CTSZ: variants seen among roughly 807,000 people sequenced by gnomAD.
The protein encoded by CTSZ is carboxypeptidase LB.
In CTSZ, 39 loss-of-function variants were observed where a neutral mutation model predicts 32.4. The ratio of observed to expected loss-of-function variants is 1.20; its 90% confidence interval spans 0.93 to 1.57. The LOEUF (loss-of-function observed/expected upper bound fraction) is 1.57. Among genes scored for constraint, CTSZ ranks in the 40% most tolerant of loss-of-function variants. The probability of loss-of-function intolerance (pLI) is 0.00; values close to 1 mark genes in which losing one functional copy is unlikely to be tolerated. For synonymous variants in CTSZ, 168 were observed against 170.1 expected (o/e 0.99, Z 0.10); for missense variants, 397 against 419.6 (o/e 0.95, Z 0.47).
chr20:58,998,552 A>AAAAAAGAAAG (rs368429073), intron 3 of CTSZ, among the ~76,000 whole-genome samples: 4 of 145,354 alleles, frequency 2.8e-5, no homozygotes, highest in Admixed American at 2.0e-4. Flanking sequence ...GTCTCAAAAA[A>AAAAAAGAAAG]AAAGAAAGAA....
chr20:58,996,108 T>TC (rs1466513077), intron 5 of CTSZ, among the ~76,000 whole-genome samples: 2 of 152,122 alleles, frequency 1.3e-5, no homozygotes, highest in Admixed American at 6.5e-5. Flanking sequence ...TGAACCGCTT[T>TC]CCCCCCATTT....
intron 5 of CTSZ, among the ~76,000 whole-genome samples, chr20:58,996,399 G>A (rs1362290196): frequency 1.3e-5 from 2 of 152,214 alleles, no homozygotes; most frequent in African/African-American, 2.4e-5. Context: ...GAGTCACCTA[G>A]TGGGTGGAGG....
Position 59,007,140 on chromosome 20 carries a change from G to C in CTSZ, c.-12C>G. 1.5e-6 allele frequency: 2 copies of C among 1,347,858 alleles called. No individual in the cohort carries two copies. Among genetic ancestry groups the C allele is most frequent in the Non-Finnish European group, 1.9e-6 (2 of 1,057,868 alleles). The allele number at this position is 1,347,858 out of a possible 1,614,324, so 83.5% of individuals were successfully genotyped here. On this transcript the variant is annotated 5_prime_UTR_variant, in exon 1 of 6. Transcript: ENST00000217131. ...CCGCGCCTCGCCATGGCCCCGCGCC[G>C]GCTCCTGGGTCCCGCTCCGGATCCC...
chr20:59,006,219 C>G, intron 2 of CTSZ, 103 bp downstream of exon 2: 1 of 1,426,056 alleles, frequency 7.0e-7, no homozygotes, highest in Non-Finnish European at 9.3e-7. Context: ...CTGACCTGGC[C>G]TTGAATCACA....
At chr20:58,997,533 G>T (rs1215556019) in intron 4 of CTSZ, 70 bp downstream of exon 4, 1 of 1,434,962 alleles carries the variant, frequency 7.0e-7, no homozygotes, top group Non-Finnish European at 9.2e-7. Flanking sequence ...CTCACCCGCG[G>T]GACCTTTCCT....
At chr20:58,997,426 C>G in intron 4 of CTSZ, 177 bp downstream of exon 4, 1 of 510,410 alleles carries the variant, frequency 2.0e-6, no homozygotes, top group East Asian at 3.4e-5. Context: ...CTCGAGCCTA[C>G]TGAGTACAAC....
rs1417352589 is a variant in CTSZ, at chr20:59,004,014, T to C, written c.307+2308A>G. ...CCTGGAGGAGGCGGTGGGCGGTGCG[T>C]GATTTCTGCATCTGCTTCGAAGGTA... On this transcript the variant is annotated intron_variant, in intron 2 of 5. Transcript: ENST00000217131. The surrounding 1 kb of genome is among the most constrained non-coding windows in gnomAD (Gnocchi z 5.6). Among the ~76,000 whole-genome samples, 2 of 152,102 alleles carry C rather than the reference T, an allele frequency of 1.3e-5. No homozygotes were observed. The highest frequency in any genetic ancestry group is 2.9e-5 in the Non-Finnish European group (2 of 68,006).
At position 59,007,208 on chromosome 20, in the gene CTSZ, CGCCCCG is replaced by C. The variant is rs1415237440; in HGVS notation, c.-86_-81del. The C allele has an allele frequency of 2.0e-4, 245 of 1,198,052 alleles. No individual in the cohort carries two copies. Among genetic ancestry groups the C allele is most frequent in the East Asian group, 1.1e-3 (31 of 27,552 alleles). The allele number at this position is 1,198,052 out of a possible 1,614,324, so 74.2% of individuals were successfully genotyped here. A position where few individuals can be genotyped will look rare whatever the true frequency, so the allele number is the denominator to read the frequency against. On this transcript the variant is annotated 5_prime_UTR_variant, in exon 1 of 6. Coordinates refer to ENST00000217131, the MANE Select transcript of CTSZ (RefSeq NM_001336.4). ...CCGCGCCGGCTCCCGCTCTGGATCC[CGCCCCG>C]GCCTCGGCCTCGGCCCAGCACCCGG...
intron 2 of CTSZ, chr20:59,006,064 G>A (rs1375110698): frequency 7.7e-6 from 4 of 517,708 alleles, no homozygotes; most frequent in Admixed American, 3.4e-5. Context: ...AAGCTTTGGG[G>A]GAGAGAGGGC....
chr20:58,995,837 C>G, intron 5 of CTSZ, 78 bp from the exon 6 acceptor site: 1 of 1,300,652 alleles, frequency 7.7e-7, no homozygotes, highest in Non-Finnish European at 1.1e-6. Flanking sequence ...CCCCTGCCCC[C>G]TGCTTTCTGC....
rs981217077 is a variant in CTSZ at position 58,997,767 on chromosome 20, A to C, written c.488-14T>G. The C allele has an allele frequency of 6.3e-7, 1 of 1,584,152 alleles. No homozygotes were observed. The highest frequency in any genetic ancestry group is 1.4e-5 in the African/African-American group (1 of 73,914). On this transcript the variant is annotated splice_polypyrimidine_tract_variant and intron_variant, in intron 3 of 5. Coordinates refer to ENST00000217131, the MANE Select transcript of CTSZ (RefSeq NM_001336.4). The stretch of plus-strand genomic sequence containing the variant: ...ACTTGTCACACTCTGGGGGAGAGCA[A>C]GAAAAGTCAGCATGAGGCCGTCTCC...
chr20:58,996,486 A>G, intron 5 of CTSZ, 153 bp downstream of exon 5: 1 of 783,074 alleles, frequency 1.3e-6, no homozygotes, highest in Non-Finnish European at 2.1e-6. Flanking sequence ...TCTGGCCCCA[A>G]AAGCCACTCG....
At chr20:58,997,387 A>T (rs2091866133) in intron 4 of CTSZ, 3 of 408,456 alleles carry the variant, frequency 7.3e-6, no homozygotes, top group Non-Finnish European at 1.3e-5. Context: ...AGAAAACTGA[A>T]GTTCTTAGAG....
Position 59,007,250 on chromosome 20 carries a change from A to G in CTSZ, c.-122T>C. ...CGGCCCAGCACCCGGCCGACCCCGC[A>G]CTTTGGGCCCCTGCCCCGCCCGGCC... On this transcript the variant is annotated 5_prime_UTR_variant, in exon 1 of 6. Transcript: ENST00000217131. 8.4e-7 allele frequency: 1 copy of G among 1,184,252 alleles called. No individual in the cohort carries two copies. The allele number at this position is 1,184,252 out of a possible 1,614,324, so 73.4% of individuals were successfully genotyped here.
At chr20:59,003,440 T>C (rs534258688) in intron 2 of CTSZ, among the ~76,000 whole-genome samples, 6 of 152,334 alleles carry the variant, frequency 3.9e-5, no homozygotes, top group South Asian at 2.1e-4. Context: ...ACAAGTGTCC[T>C]GAATACGTTT....
In CTSZ at chr20:59,004,546, G is replaced by T. The variant is rs1348167037; in HGVS notation, c.307+1776C>A. Among the ~76,000 whole-genome samples, 2 of 152,068 alleles carry T rather than the reference G, an allele frequency of 1.3e-5. No homozygotes were observed. Among genetic ancestry groups the T allele is most frequent in the East Asian group, 3.9e-4 (2 of 5,192 alleles). On this transcript the variant is annotated intron_variant, in intron 2 of 5. Coordinates refer to ENST00000217131, the MANE Select transcript of CTSZ (RefSeq NM_001336.4). This position sits in a 1 kb window ranked among gnomAD's most constrained non-coding sequence, Gnocchi z 5.6. Reference sequence around the variant, plus strand: ...GGAGGGACTCCAGATACTTCCCTAGGGAGCCCAGAATTGGGGCGGGGTGGG... The same window carrying T: ...GGAGGGACTCCAGATACTTCCCTAGTGAGCCCAGAATTGGGGCGGGGTGGG...
chr20:59,002,194 A>G lies in CTSZ; in HGVS notation c.308-550T>C, dbSNP rs1423430403. 6.6e-6 allele frequency among the ~76,000 whole-genome samples: 1 copy of G among 152,226 alleles called. No individual in the cohort carries two copies. On this transcript the variant is annotated intron_variant, in intron 2 of 5. Transcript: ENST00000217131. This position sits in a 1 kb window ranked among gnomAD's most constrained non-coding sequence, Gnocchi z 4.1. The stretch of plus-strand genomic sequence containing the variant: ...CAGCCCCGAAGGCACTGGGGGATGC[A>G]GAGGGCTCCCAGCGGCTGGCTGACC...
At chr20:59,006,520 G>A (rs1446215496) in intron 1 of CTSZ, 35 bp from the exon 2 acceptor site, 2 of 1,574,568 alleles carry the variant, frequency 1.3e-6, no homozygotes, top group African/African-American at 1.3e-5. Context: ...GATCGGTGCT[G>A]GGGCTCCCGG....
At chr20:59,003,602 C>A (rs561717627) in intron 2 of CTSZ, among the ~76,000 whole-genome samples, 1 of 152,240 alleles carries the variant, frequency 6.6e-6, no homozygotes, top group South Asian at 2.1e-4. Context: ...GTCTACAGCA[C>A]CATGAAGAAA....
Sources: gnomAD v4.1 joint callset for allele counts (sites outside exome capture counted in the v4.1 genomes callset) on GRCh38, gnomAD v4.1.1 for gene constraint, Gnocchi (gnomAD v3.1) non-coding constraint, MANE v1.5 for transcripts, NCBI Gene and HGNC (gene_info 2026-07-23, HGNC 2026-07-21) for gene names.